Variants in GOLGA5 observed in about 807,000 individuals in gnomAD.
GOLGA5 encodes golgin A5.
GOLGA5 carries 50 observed loss-of-function variants against 93.5 expected under a neutral mutation model. That is an observed-to-expected ratio of 0.53 (90% CI 0.43 to 0.68). The LOEUF is 0.68. Among genes scored for constraint, GOLGA5 ranks in the 30% least tolerant of loss-of-function variants. The pLI is 0.00. For missense variants in GOLGA5, 760 were observed against 856.4 expected (o/e 0.89, Z 1.40); for synonymous variants, 312 against 304.5 (o/e 1.02, Z -0.26).
chr14:92,822,412 C>A (rs1885334356), intron 8 of GOLGA5, among the ~76,000 whole-genome samples: 1 of 152,172 alleles, frequency 6.6e-6, no homozygotes, highest in Non-Finnish European at 1.5e-5. Flanking sequence ...CTCTGTTCTA[C>A]GTTGTATTTC....
intron 1 of GOLGA5, among the ~76,000 whole-genome samples, 161 bp downstream of exon 1, chr14:92,794,617 C>T (rs1221672067): frequency 1.1e-4 from 17 of 152,244 alleles, no homozygotes; most frequent in Non-Finnish European, 1.5e-5. Flanking sequence ...GGAGAGACTC[C>T]TTGGGCTTCA....
chr14:92,805,152 T>C (rs1177817108), intron 2 of GOLGA5, among the ~76,000 whole-genome samples: 6 of 152,170 alleles, frequency 3.9e-5, no homozygotes, highest in African/African-American at 1.4e-4. Flanking sequence ...TTCCTCATGT[T>C]CCTTTCCACT....
chr14:92,810,303 C>A lies in GOLGA5; in HGVS notation c.1042C>A (p.Gln348Lys). ...EGNSLQNQAL[Q>K]TFQERLHEAD... is the part of the protein sequence containing the mutation. ...TAACAGCCTGCAGAATCAAGCTCTG[C>A]AGACTTTTCAGGAGAGACTGCATGA... Residue 348 changes from glutamine to lysine, a missense_variant, in exon 5 of 13, where the codon CAG (glutamine) becomes AAG (lysine). Coordinates refer to ENST00000163416, the MANE Select transcript of GOLGA5 (RefSeq NM_005113.4). The A allele has an allele frequency of 1.9e-6, 3 of 1,602,632 alleles. No individual in the cohort carries two copies. The highest frequency in any genetic ancestry group is 2.6e-6 in the Non-Finnish European group (3 of 1,171,914).
At chr14:92,836,873 T>C (rs1885651929) in intron 11 of GOLGA5, among the ~76,000 whole-genome samples, 1 of 152,108 alleles carries the variant, frequency 6.6e-6, no homozygotes, top group Non-Finnish European at 1.5e-5. Context: ...GAAATCAGCC[T>C]GGCCAACATG....
chr14:92,828,522 C>T (rs1885465050), intron 9 of GOLGA5, among the ~76,000 whole-genome samples: 2 of 152,176 alleles, frequency 1.3e-5, no homozygotes, highest in Admixed American at 1.3e-4. Context: ...TCTAATAGAG[C>T]TGTACAAGGA....
intron 1 of GOLGA5, 26 bp from the exon 2 acceptor site, chr14:92,797,382 C>A: frequency 7.5e-7 from 1 of 1,335,806 alleles, no homozygotes; most frequent in Non-Finnish European, 1.0e-6. Flanking sequence ...CTATGCCACA[C>A]TGATCATTTT....
Position 92,806,851 on chromosome 14 carries a change from A to G in GOLGA5, c.660A>G (p.Lys220=), listed in dbSNP as rs2140316965. The G allele has an allele frequency of 6.2e-7, 1 of 1,613,624 alleles. No homozygotes were observed. Among genetic ancestry groups the G allele is most frequent in the Non-Finnish European group, 8.5e-7 (1 of 1,179,518 alleles). The change falls in exon 3 of 13, where the codon AAA becomes AAG. Residue 220 remains lysine (K), a synonymous_variant. Coordinates refer to ENST00000163416, the MANE Select transcript of GOLGA5 (RefSeq NM_005113.4). ...DHTPTPNDDG[K]SHELSNLRLE... ...CCCCAACACCTAATGATGATGGCAA[A>G]TCACATGAACTGTCTAACCTTCGAC...
At chr14:92,823,081 A>G (rs948773412) in intron 8 of GOLGA5, among the ~76,000 whole-genome samples, 1 of 152,092 alleles carries the variant, frequency 6.6e-6, no homozygotes, top group Non-Finnish European at 1.5e-5. Context: ...TTCTTCTAGT[A>G]CTTTTTTGGT....
At chr14:92,828,513 C>G (rs542461128) in intron 9 of GOLGA5, among the ~76,000 whole-genome samples, 2 of 152,248 alleles carry the variant, frequency 1.3e-5, no homozygotes, top group African/African-American at 4.8e-5. Context: ...CCCAAGAACT[C>G]TAATAGAGCT....
intron 2 of GOLGA5, among the ~76,000 whole-genome samples, chr14:92,798,849 G>A (rs1226121072): frequency 6.6e-5 from 10 of 152,200 alleles, no homozygotes; most frequent in South Asian, 2.1e-4. Context: ...TCAGGAGGTC[G>A]AGGTTGCAGT....
At chr14:92,801,789 CAG>C (rs1884878838) in intron 2 of GOLGA5, among the ~76,000 whole-genome samples, 1 of 147,194 alleles carries the variant, frequency 6.8e-6, no homozygotes, top group Non-Finnish European at 1.5e-5. Context: ...ATTTATTGAA[CAG>C]AGTCTCTTGT....
chr14:92,821,714 A>G (rs534305961), intron 8 of GOLGA5, among the ~76,000 whole-genome samples: 1 of 152,244 alleles, frequency 6.6e-6, no homozygotes, highest in African/African-American at 2.4e-5. Context: ...AATGTTTTTT[A>G]TTATAAAAGT....
Position 92,832,043 on chromosome 14 carries a change from G to GACTT in GOLGA5, c.1720-1076_1720-1073dup, listed in dbSNP as rs561454529. ...CAATGATTCTTGCCCTCATGAAGCT[G>GACTT]ACTTACAGTGTCATTGAGGAGGCAA... On this transcript the variant is annotated intron_variant, in intron 9 of 12. Coordinates refer to ENST00000163416, the MANE Select transcript of GOLGA5 (RefSeq NM_005113.4). Among the ~76,000 whole-genome samples, 7 of 152,266 alleles carry GACTT rather than the reference G, an allele frequency of 4.6e-5. No homozygotes were observed. In the East Asian group the frequency reaches 1.2e-3, roughly 25 times the overall value.
Position 92,811,593 on chromosome 14 carries a change from C to A in GOLGA5, c.1159C>A (p.Gln387Lys). The part of the protein sequence containing the change: ...ARLNKVEMER[Q>K]NLAEAITLAE... ...CCTTAATAAAGTGGAAATGGAACGTCAGAATTTAGCAGAAGCAATTACACT... is the reference window on the plus strand; with the variant it reads ...CCTTAATAAAGTGGAAATGGAACGTAAGAATTTAGCAGAAGCAATTACACT... Residue 387 changes from glutamine (Q) to lysine (K), a missense_variant, in exon 6 of 13, where the codon CAG becomes AAG. Transcript: ENST00000163416. 1 of 1,613,440 alleles carries A rather than the reference C, an allele frequency of 6.2e-7. No homozygotes were observed. The highest frequency in any genetic ancestry group is 8.5e-7 in the Non-Finnish European group (1 of 1,179,522).
chr14:92,801,531 C>G (rs189965830), intron 2 of GOLGA5, among the ~76,000 whole-genome samples: 1 of 152,026 alleles, frequency 6.6e-6, no homozygotes, highest in Admixed American at 6.5e-5. Context: ...ATTCTAAATT[C>G]TAAATTCTTT....
chr14:92,838,592 C>G (rs543892330), intron 12 of GOLGA5, among the ~76,000 whole-genome samples: 11 of 152,254 alleles, frequency 7.2e-5, no homozygotes, highest in African/African-American at 2.6e-4. Flanking sequence ...TCTCAAACTC[C>G]TGACCTTGAG....
chr14:92,824,908 C>T (rs1885386281), intron 9 of GOLGA5, among the ~76,000 whole-genome samples: 1 of 152,132 alleles, frequency 6.6e-6, no homozygotes, highest in Non-Finnish European at 1.5e-5. Context: ...AATTTCAGAC[C>T]TTTGACATCA....
At chr14:92,801,279 G>T (rs1295855697) in intron 2 of GOLGA5, among the ~76,000 whole-genome samples, 1 of 152,198 alleles carries the variant, frequency 6.6e-6, no homozygotes, top group African/African-American at 2.4e-5. Flanking sequence ...ACCAGCTATG[G>T]TTAAGAACTT....
intron 6 of GOLGA5, among the ~76,000 whole-genome samples, chr14:92,815,297 T>C (rs1024658686): frequency 1.3e-5 from 2 of 152,228 alleles, no homozygotes; most frequent in African/African-American, 2.4e-5. Flanking sequence ...TATGCTCTCT[T>C]AAAGTCTCCT....
Sources: allele counts gnomAD v4.1 joint callset (sites outside exome capture counted in the v4.1 genomes callset), GRCh38; gene constraint gnomAD v4.1.1; transcripts MANE v1.5; gene names NCBI Gene and HGNC (gene_info 2026-07-23, HGNC 2026-07-21).